RAB7B: variants seen among roughly 807,000 people sequenced by gnomAD.
RAB7B encodes the protein ras-related protein Rab-7b.
chr1:205,979,850 T>C (rs1286010654), intron 5 of RAB7B, among the ~76,000 whole-genome samples: 1 of 152,208 alleles, frequency 6.6e-6, no homozygotes, highest in Non-Finnish European at 1.5e-5. Context: ...CCATCTCAAG[T>C]GTCCTTCTCA....
rs886658294 is a variant in RAB7B at position 205,993,510 on chromosome 1, G to A, written c.90C>T (p.His30=). ...TCTGGTATTCCTCATAAAACGTCTT[G>A]TGCACATATTGGTGAAGGAGGGAGG... The part of the protein sequence containing the change: ...GKTSLLHQYV[H]KTFYEEYQTT... Residue 30 remains histidine (H), a synonymous_variant, in exon 3 of 6, where the codon CAC becomes CAT. Transcript: ENST00000617070. 1.4e-3 allele frequency: 575 copies of A among 398,598 alleles called. 3 individuals are homozygous for A. Among genetic ancestry groups the A allele is most frequent in the African/African-American group, 0.011 (517 of 48,726 alleles). 24.7% of individuals were successfully genotyped at this position (398,598 alleles called of 1,614,324 possible). A position where few individuals can be genotyped will look rare whatever the true frequency, so the allele number is the denominator to read the frequency against.
intron 1 of RAB7B, among the ~76,000 whole-genome samples, chr1:205,998,192 A>G (rs1165589437): frequency 6.6e-6 from 1 of 152,086 alleles, no homozygotes; most frequent in African/African-American, 2.4e-5. Flanking sequence ...CATCTCTATT[A>G]AAAATACAAA....
At chr1:205,994,475 A>G (rs982573677) in intron 1 of RAB7B, 4 of 174,826 alleles carry the variant, frequency 2.3e-5, no homozygotes, top group Non-Finnish European at 4.8e-5. Context: ...GGCCTCGCAG[A>G]CAGCCCAGCC....
At chr1:205,995,913 G>A (rs1468732748) in intron 1 of RAB7B, among the ~76,000 whole-genome samples, 1 of 152,146 alleles carries the variant, frequency 6.6e-6, no homozygotes, top group Non-Finnish European at 1.5e-5. Flanking sequence ...GTGAGGTAAT[G>A]CAGATGTTAA....
intron 1 of RAB7B, among the ~76,000 whole-genome samples, chr1:206,001,408 G>A (rs1660889062): frequency 6.6e-6 from 1 of 152,050 alleles, no homozygotes; most frequent in Non-Finnish European, 1.5e-5. Context: ...GTATCATTAA[G>A]GAATTTTTCT....
chr1:205,994,652 C>A (rs893159219), intron 1 of RAB7B, among the ~76,000 whole-genome samples: 1 of 152,126 alleles, frequency 6.6e-6, no homozygotes. Context: ...ATGCAGCTGG[C>A]GGGGGTGTAA....
At chr1:205,980,655 A>C (rs1371729555) in intron 5 of RAB7B, among the ~76,000 whole-genome samples, 2 of 152,182 alleles carry the variant, frequency 1.3e-5, no homozygotes, top group Non-Finnish European at 2.9e-5. Flanking sequence ...TGATTCACTG[A>C]GCAGCTGCCA....
rs904629397 is a variant in RAB7B at position 205,987,829 on chromosome 1, T to C, written c.397-2164A>G. On this transcript the variant is annotated intron_variant, in intron 4 of 5. Coordinates refer to ENST00000617070, the MANE Select transcript of RAB7B (RefSeq NM_001164522.3). ...AATTTCTTTAAAATTATTCTGGCTA[T>C]ATATGCCTGTTTTTACTGTGGTAAA... 4.7e-3 allele frequency among the ~76,000 whole-genome samples: 715 copies of C among 152,360 alleles called. 6 individuals carry two copies. The highest frequency in any genetic ancestry group is 0.015 in the African/African-American group (619 of 41,588).
rs890993852 is a variant in RAB7B, at chr1:205,977,693, T to A, written c.*1158A>T. ...TCAATGGATGTCCTTTCACTGTTCC[T>A]GGAACATGGCAAGCTTGTTTTTGCC... On this transcript the variant is annotated 3_prime_UTR_variant, in exon 6 of 6. Transcript: ENST00000617070. The A allele has an allele frequency of 2.6e-5, 4 of 152,256 alleles. No homozygotes were observed. Among genetic ancestry groups the A allele is most frequent in the Non-Finnish European group, 5.9e-5 (4 of 68,058 alleles). 9.4% of individuals were successfully genotyped at this position (152,256 alleles called of 1,614,324 possible). A position where few individuals can be genotyped will look rare whatever the true frequency, so the allele number is the denominator to read the frequency against.
intron 4 of RAB7B, 147 bp from the exon 5 acceptor site, chr1:205,985,812 C>A: frequency 2.3e-6 from 1 of 437,830 alleles, no homozygotes; most frequent in Non-Finnish European, 4.0e-6. Context: ...CCACCAGGCC[C>A]ACCAGGCCCA....
At chr1:205,988,226 G>A (rs1158680188) in intron 4 of RAB7B, among the ~76,000 whole-genome samples, 2 of 126,420 alleles carry the variant, frequency 1.6e-5, no homozygotes. Flanking sequence ...GTATGTGTGT[G>A]TGGGTTTTTT....
At chr1:205,984,437 A>G (rs1449213245) in intron 5 of RAB7B, among the ~76,000 whole-genome samples, 1 of 152,198 alleles carries the variant, frequency 6.6e-6, no homozygotes, top group Non-Finnish European at 1.5e-5. Flanking sequence ...GGAAGCTTCC[A>G]GTCCCCCACC....
chr1:205,979,995 G>A (rs2102630332), intron 5 of RAB7B, among the ~76,000 whole-genome samples: 1 of 152,346 alleles, frequency 6.6e-6, no homozygotes, highest in East Asian at 1.9e-4. Context: ...CTAGACCTCA[G>A]GAGGTGGTGT....
intron 1 of RAB7B, among the ~76,000 whole-genome samples, chr1:206,001,018 C>G (rs1429289431): frequency 6.6e-6 from 1 of 152,220 alleles, no homozygotes; most frequent in Non-Finnish European, 1.5e-5. Context: ...GATGCTCACT[C>G]AGGGTGTGCT....
At chr1:205,985,421 G>T in intron 5 of RAB7B, 119 bp downstream of exon 5, 1 of 397,012 alleles carries the variant, frequency 2.5e-6, no homozygotes, top group South Asian at 1.4e-4. Flanking sequence ...CTGAGACGAT[G>T]AGCAATCCTG....
At chr1:205,994,263 C>G in intron 1 of RAB7B, 112 bp from the exon 2 acceptor site, 1 of 394,832 alleles carries the variant, frequency 2.5e-6, no homozygotes, top group East Asian at 3.6e-5. Flanking sequence ...GCCCTGGGCC[C>G]GGGACTGGGT....
rs1217686492 is a variant in RAB7B at position 205,990,532 on chromosome 1, C to CAG, written c.396+1946_396+1947dup. On this transcript the variant is annotated intron_variant, in intron 4 of 5. Coordinates refer to ENST00000617070, the MANE Select transcript of RAB7B (RefSeq NM_001164522.3). ...CCTTGTGAAGGACATGTGGATTCAA[C>CAG]AGAGAGAGAGAGAGAGAGCAACAGG... Among the ~76,000 whole-genome samples the CAG allele has an allele frequency of 4.6e-4, 69 of 149,336 alleles. 1 individual carries two copies. The South Asian group carries it at 4.9e-3, about 11-fold the overall frequency.
chr1:205,994,986 A>T (rs1198917697), intron 1 of RAB7B, among the ~76,000 whole-genome samples: 1 of 152,188 alleles, frequency 6.6e-6, no homozygotes, highest in South Asian at 2.1e-4. Flanking sequence ...AAGATGGTAC[A>T]TTCTCAGCAA....
intron 5 of RAB7B, among the ~76,000 whole-genome samples, chr1:205,981,113 G>T (rs940767465): frequency 0.023 from 3,556 of 152,012 alleles, 143 homozygotes; most frequent in African/African-American, 0.082. Flanking sequence ...AGGCTGGTCT[G>T]GAACTCATGG....
Sources: gnomAD v4.1 joint callset for allele counts (sites outside exome capture counted in the v4.1 genomes callset) on GRCh38, gnomAD v4.1.1 for gene constraint, MANE v1.5 for transcripts, NCBI Gene and HGNC (gene_info 2026-07-23, HGNC 2026-07-21) for gene names.